Variants in MAF observed in about 807,000 individuals in gnomAD.
The protein encoded by MAF is MAF bZIP transcription factor.
MAF carries 10 observed loss-of-function variants against 22.0 expected under a neutral mutation model. That is an observed-to-expected ratio of 0.45 (90% CI 0.28 to 0.77). MAF has a LOEUF of 0.77. Ranked by LOEUF, MAF falls within the 30% of genes least tolerant of loss-of-function variation. The pLI is 0.12. For missense variants in MAF, 544 were observed against 548.4 expected, an observed-to-expected ratio of 0.99 and a Z score of 0.08; for synonymous variants, 337 against 255.8, an observed-to-expected ratio of 1.32 and a Z score of -3.03.
At chr16:79,458,840 A>G in the MAF span, among the ~76,000 whole-genome samples, 31,124 of 152,158 alleles carry the variant, frequency 0.2, 3,713 homozygotes, top group South Asian at 0.35. Flanking sequence ...TAGGGTTAGA[A>G]TCACTGAGAA....
chr16:79,211,834 G>C, the MAF span: 2 of 1,612,718 alleles, frequency 1.2e-6, no homozygotes, highest in South Asian at 1.1e-5. Context: ...CACCCGCCCT[G>C]TGTGTGTCCC....
At chr16:79,502,526 C>A in the MAF span, among the ~76,000 whole-genome samples, 1 of 151,164 alleles carries the variant, frequency 6.6e-6, no homozygotes, top group South Asian at 2.1e-4. Context: ...ATTAGCTGAG[C>A]GTGGTGGTGC....
chr16:79,560,152 T>C, the MAF span, among the ~76,000 whole-genome samples: 2 of 151,740 alleles, frequency 1.3e-5, no homozygotes, highest in African/African-American at 2.4e-5. Context: ...CTCAAGCAAT[T>C]CTCCTGCCTC....
At chr16:79,564,887 C>T in the MAF span, among the ~76,000 whole-genome samples, 1 of 152,184 alleles carries the variant, frequency 6.6e-6, no homozygotes, top group Admixed American at 6.5e-5. Flanking sequence ...ACATTCCTTG[C>T]TCTTACGAAG....
chr16:79,216,106 C>T, the MAF span, among the ~76,000 whole-genome samples: 2 of 152,118 alleles, frequency 1.3e-5, no homozygotes, highest in Non-Finnish European at 2.9e-5. Flanking sequence ...CTATTTCTCC[C>T]CATTTGTCAT....
the MAF span, among the ~76,000 whole-genome samples, chr16:79,241,769 G>A: frequency 6.6e-6 from 1 of 151,832 alleles, no homozygotes; most frequent in South Asian, 2.1e-4. Flanking sequence ...AAATAAAGGA[G>A]AAAATATTAA....
At chr16:79,367,214 T>C in the MAF span, among the ~76,000 whole-genome samples, 39 of 152,342 alleles carry the variant, frequency 2.6e-4, no homozygotes, top group South Asian at 6.4e-3. Flanking sequence ...CTATGGGTGC[T>C]TGACTTTGCT....
At chr16:79,370,387 G>A in the MAF span, among the ~76,000 whole-genome samples, 1 of 152,138 alleles carries the variant, frequency 6.6e-6, no homozygotes, top group East Asian at 1.9e-4. Context: ...TGTGCTGGGT[G>A]GTCCTTTGCC....
the MAF span, among the ~76,000 whole-genome samples, chr16:79,278,888 G>T: frequency 6.6e-6 from 1 of 152,164 alleles, no homozygotes; most frequent in African/African-American, 2.4e-5. Flanking sequence ...CTATTAATGT[G>T]AAAGTAGGTG....
At chr16:79,531,592 A>T in the MAF span, among the ~76,000 whole-genome samples, 1 of 152,154 alleles carries the variant, frequency 6.6e-6, no homozygotes, top group African/African-American at 2.4e-5. Flanking sequence ...ATCAGGCATT[A>T]GATTCTCATA....
chr16:79,345,487 G>T, the MAF span, among the ~76,000 whole-genome samples: 1 of 151,994 alleles, frequency 6.6e-6, no homozygotes, highest in African/African-American at 2.4e-5. Flanking sequence ...GAGAAATTTG[G>T]GAGGCTGAGG....
the MAF span, among the ~76,000 whole-genome samples, chr16:79,208,064 A>C: frequency 6.6e-6 from 1 of 152,206 alleles, no homozygotes; most frequent in Non-Finnish European, 1.5e-5. Context: ...TGCAAATCTG[A>C]CAGATGATTT....
At chr16:79,438,268 G>A in the MAF span, among the ~76,000 whole-genome samples, 3 of 152,144 alleles carry the variant, frequency 2.0e-5, no homozygotes, top group Admixed American at 1.3e-4. Flanking sequence ...GGAATGAATC[G>A]AGTCATTATT....
chr16:79,536,291 C>A, the MAF span, among the ~76,000 whole-genome samples: 1 of 152,228 alleles, frequency 6.6e-6, no homozygotes, highest in Non-Finnish European at 1.5e-5. Flanking sequence ...TGCAGTCAGC[C>A]TTCCATATTT....
At chr16:79,272,469 G>A in the MAF span, among the ~76,000 whole-genome samples, 4 of 152,102 alleles carry the variant, frequency 2.6e-5, no homozygotes, top group Non-Finnish European at 5.9e-5. Flanking sequence ...CAGTGGAGGG[G>A]GAGGTGGGAG....
chr16:79,412,073 G>C, the MAF span, among the ~76,000 whole-genome samples: 3 of 152,316 alleles, frequency 2.0e-5, no homozygotes, highest in East Asian at 1.9e-4. Flanking sequence ...CAGAGAGTGA[G>C]TGTTTTCTAA....
the MAF span, among the ~76,000 whole-genome samples, chr16:79,426,038 C>G: frequency 1.3e-5 from 2 of 152,092 alleles, no homozygotes; most frequent in Non-Finnish European, 2.9e-5. Flanking sequence ...AACCCTGTCT[C>G]TACTAAAAAT....
the MAF span, among the ~76,000 whole-genome samples, chr16:79,415,286 G>A: frequency 1.3e-5 from 2 of 151,728 alleles, no homozygotes; most frequent in African/African-American, 4.8e-5. Context: ...AGGAAGGGAG[G>A]GAGGGAGGGA....
At chr16:79,220,169 T>C in the MAF span, among the ~76,000 whole-genome samples, 2 of 150,430 alleles carry the variant, frequency 1.3e-5, no homozygotes, top group African/African-American at 2.5e-5. Context: ...GGCAGGAGAA[T>C]TGCTTGAGCC....
Sources: allele counts gnomAD v4.1 joint callset (sites outside exome capture counted in the v4.1 genomes callset), GRCh38; gene constraint gnomAD v4.1.1; transcripts MANE v1.5; gene names NCBI Gene and HGNC (gene_info 2026-07-23, HGNC 2026-07-21).